Variants in ALCAM observed in about 807,000 individuals in gnomAD.
ALCAM encodes activated leukocyte cell adhesion molecule.
ALCAM carries 30 observed loss-of-function variants against 70.9 expected under a neutral mutation model. That is an observed-to-expected ratio of 0.42 (90% CI 0.32 to 0.57). The LOEUF (loss-of-function observed/expected upper bound fraction) is 0.57, where lower values mean the gene tolerates loss of function less well. Among genes scored for constraint, ALCAM ranks in the 20% least tolerant of loss-of-function variants. The pLI, the probability that ALCAM is intolerant of heterozygous loss-of-function variation, is 0.11. For missense variants in ALCAM, 591 were observed against 695.1 expected, an observed-to-expected ratio of 0.85 and a Z score of 1.68; for synonymous variants, 249 against 242.5, an observed-to-expected ratio of 1.03 and a Z score of -0.25.
chr3:105,519,047 G>GTT, intron 1 of ALCAM, among the ~76,000 whole-genome samples: 1 of 152,012 alleles, frequency 6.6e-6, no homozygotes, highest in Non-Finnish European at 1.5e-5. Flanking sequence ...AATATCATTT[G>GTT]TTTTTTTCTC....
chr3:105,415,048 C>T lies in ALCAM; in HGVS notation c.73+47567C>T, dbSNP rs911928374. On this transcript the variant is annotated intron_variant, in intron 1 of 15. Transcript: ENST00000306107. ...ATGTCAGCCTGGATAGTTTGGCCTC[C>T]TCTGTTAAACAGTGTTTCGAATGAC... Among the ~76,000 whole-genome samples the T allele has an allele frequency of 5.3e-5, 8 of 152,230 alleles. No individual in the cohort carries two copies. In the East Asian group the frequency reaches 1.6e-3, roughly 30 times the overall value.
intron 14 of ALCAM, among the ~76,000 whole-genome samples, chr3:105,555,359 A>C (rs1458816993): frequency 1.3e-5 from 2 of 152,060 alleles, no homozygotes; most frequent in Non-Finnish European, 2.9e-5. Context: ...AATTTGTGGA[A>C]TACTTCAGAT....
intron 1 of ALCAM, among the ~76,000 whole-genome samples, chr3:105,420,570 G>T (rs139039226): frequency 5.6e-4 from 85 of 151,716 alleles, no homozygotes; most frequent in African/African-American, 1.8e-3. Flanking sequence ...TCCTATCAAA[G>T]AATAACTTTT....
At chr3:105,432,589 A>T (rs1936961622) in intron 1 of ALCAM, among the ~76,000 whole-genome samples, 2 of 152,044 alleles carry the variant, frequency 1.3e-5, no homozygotes. Flanking sequence ...CTCATCTGTA[A>T]AAAGGAAGTA....
chr3:105,540,492 T>C (rs1940090675), intron 7 of ALCAM, among the ~76,000 whole-genome samples: 1 of 151,928 alleles, frequency 6.6e-6, no homozygotes, highest in South Asian at 2.1e-4. Flanking sequence ...CCCTCAGAAG[T>C]AGGGATAGTT....
chr3:105,571,721 GA>G, intron 14 of ALCAM, 130 bp from the exon 15 acceptor site: 5 of 648,486 alleles, frequency 7.7e-6, no homozygotes, highest in Non-Finnish European at 1.3e-5. Flanking sequence ...CACAGATATG[GA>G]AATTTTTGCC....
At chr3:105,466,500 G>C (rs1457930897) in intron 1 of ALCAM, among the ~76,000 whole-genome samples, 1 of 151,246 alleles carries the variant, frequency 6.6e-6, no homozygotes, top group Non-Finnish European at 1.5e-5. Context: ...ATATCAATTT[G>C]TTCTTTCTGG....
intron 1 of ALCAM, among the ~76,000 whole-genome samples, chr3:105,433,389 G>C (rs1431469981): frequency 6.6e-6 from 1 of 152,148 alleles, no homozygotes; most frequent in Non-Finnish European, 1.5e-5. Context: ...GAAAACCAGT[G>C]ATGTCCAAGT....
At chr3:105,437,387 G>A (rs1393365386) in intron 1 of ALCAM, among the ~76,000 whole-genome samples, 1 of 151,952 alleles carries the variant, frequency 6.6e-6, no homozygotes, top group African/African-American at 2.4e-5. Context: ...GAAATCTTTA[G>A]CTGTTTTTTT....
intron 1 of ALCAM, among the ~76,000 whole-genome samples, chr3:105,449,591 G>A (rs1177284990): frequency 2.0e-5 from 3 of 152,084 alleles, no homozygotes; most frequent in Non-Finnish European, 4.4e-5. Context: ...ATTCCTGAGA[G>A]CTGCTTAATT....
intron 8 of ALCAM, 132 bp from the exon 9 acceptor site, chr3:105,545,091 T>C: frequency 1.5e-6 from 1 of 672,078 alleles, no homozygotes; most frequent in Non-Finnish European, 2.7e-6. Context: ...ATTATTTTAG[T>C]CATATAAATC....
At chr3:105,571,271 T>C (rs1298141339) in intron 14 of ALCAM, among the ~76,000 whole-genome samples, 1 of 152,222 alleles carries the variant, frequency 6.6e-6, no homozygotes, top group Non-Finnish European at 1.5e-5. Flanking sequence ...ATGCTGATAC[T>C]GCTGGTCTGG....
intron 12 of ALCAM, among the ~76,000 whole-genome samples, chr3:105,551,046 T>G (rs1323142595): frequency 6.6e-6 from 1 of 151,582 alleles, no homozygotes; most frequent in African/African-American, 2.4e-5. Flanking sequence ...CCTGCCAAAC[T>G]TTTATTCTTC....
Position 105,519,998 on chromosome 3 carries a change from T to C in ALCAM, c.74-69T>C, listed in dbSNP as rs919083144. The C allele has an allele frequency of 1.1e-5, 11 of 1,018,480 alleles. No individual in the cohort carries two copies. In the African/African-American group the frequency reaches 1.8e-4, roughly 17 times the overall value. The allele number at this position is 1,018,480 out of a possible 1,614,324, so 63.1% of individuals were successfully genotyped here. A position where few individuals can be genotyped will look rare whatever the true frequency, so the allele number is the denominator to read the frequency against. Reference sequence around the variant, plus strand: ...ATGCATCTTGAAGTTATTTGTCATTTCAAGAAAGCATTTAAAATTTTGTTC... The same window carrying C: ...ATGCATCTTGAAGTTATTTGTCATTCCAAGAAAGCATTTAAAATTTTGTTC... On this transcript the variant is annotated intron_variant, in intron 1 of 15. Transcript: ENST00000306107.
At chr3:105,394,007 TG>T (rs1935887407) in intron 1 of ALCAM, among the ~76,000 whole-genome samples, 1 of 151,910 alleles carries the variant, frequency 6.6e-6, no homozygotes, top group Non-Finnish European at 1.5e-5. Context: ...TGTTATTTTG[TG>T]CCTGTGTATT....
intron 1 of ALCAM, among the ~76,000 whole-genome samples, chr3:105,426,566 T>C (rs1312351817): frequency 1.3e-5 from 2 of 151,936 alleles, no homozygotes; most frequent in East Asian, 1.9e-4. Context: ...TTATATATCA[T>C]AGTAGTCATC....
At chr3:105,371,075 A>G (rs1035926670) in intron 1 of ALCAM, among the ~76,000 whole-genome samples, 1 of 152,164 alleles carries the variant, frequency 6.6e-6, no homozygotes, top group Non-Finnish European at 1.5e-5. Context: ...GTCTTACCAG[A>G]TTCCAAACCT....
chr3:105,563,518 A>C (rs1386547766), intron 14 of ALCAM, among the ~76,000 whole-genome samples: 1 of 151,850 alleles, frequency 6.6e-6, no homozygotes, highest in African/African-American at 2.4e-5. Flanking sequence ...TTATAAGACA[A>C]GCATTGAAAT....
At position 105,576,138 on chromosome 3, in the gene ALCAM, C is replaced by T. The variant is rs490029; in HGVS notation, c.*1687C>T. 0.14 allele frequency: 22,014 copies of T among 152,368 alleles called. 1,769 individuals are homozygous for T. Among genetic ancestry groups the T allele is most frequent in the Admixed American group, 0.27 (4,069 of 15,238 alleles). 9.4% of individuals were successfully genotyped at this position (152,368 alleles called of 1,614,324 possible). ...AATATTATGGGAAAAAAAGAAAATA[C>T]GTTATTTTGCCTCTAAACTTTTATT... is the stretch of plus-strand genomic sequence containing the variant. On this transcript the variant is annotated 3_prime_UTR_variant, in exon 16 of 16. Coordinates refer to ENST00000306107, the MANE Select transcript of ALCAM (RefSeq NM_001627.4).
Sources: allele counts gnomAD v4.1 joint callset (sites outside exome capture counted in the v4.1 genomes callset), GRCh38; gene constraint gnomAD v4.1.1; transcripts MANE v1.5; gene names NCBI Gene and HGNC (gene_info 2026-07-23, HGNC 2026-07-21).